ANKFN1: variants seen among roughly 807,000 people sequenced by gnomAD.
ANKFN1 encodes ankyrin repeat and fibronectin type-III domain-containing protein 1.
A neutral mutation model predicts 108.7 loss-of-function variants in ANKFN1; 74 were observed. The observed-to-expected ratio is 0.68, with a 90% confidence interval of 0.56 to 0.83. ANKFN1 has a LOEUF of 0.83. ANKFN1 is among the 40% of genes least tolerant of loss of function. The probability of loss-of-function intolerance (pLI) is 0.00; values close to 1 mark genes in which losing one functional copy is unlikely to be tolerated. For synonymous variants in ANKFN1, 547 were observed against 516.2 expected, an observed-to-expected ratio of 1.06 and a Z score of -0.81; for missense variants, 1,505 against 1,382.3, an observed-to-expected ratio of 1.09 and a Z score of -1.41.
At chr17:56,159,555 G>A (rs943197583) in intron 1 of ANKFN1, among the ~76,000 whole-genome samples, 7 of 152,186 alleles carry the variant, frequency 4.6e-5, no homozygotes, top group Admixed American at 2.0e-4. Flanking sequence ...TTTATAAGAT[G>A]TTGACAAGTA....
intron 3 of ANKFN1, among the ~76,000 whole-genome samples, chr17:56,245,247 T>C (rs567267974): frequency 6.6e-6 from 1 of 152,236 alleles, no homozygotes; most frequent in East Asian, 1.9e-4. Context: ...CTGTGGTTCC[T>C]CATGTAATTG....
intron 3 of ANKFN1, among the ~76,000 whole-genome samples, chr17:56,262,992 A>G (rs2043558403): frequency 6.6e-6 from 1 of 152,218 alleles, no homozygotes; most frequent in South Asian, 2.1e-4. Flanking sequence ...TGGCTTATGT[A>G]CATTTGTGCT....
At chr17:56,121,053 G>A (rs957876715) in intron 4 of ANKFN1, among the ~76,000 whole-genome samples, 1 of 151,722 alleles carries the variant, frequency 6.6e-6, no homozygotes, top group African/African-American at 2.4e-5. Flanking sequence ...AATCTTCTCG[G>A]AACTGCACTT....
intron 3 of ANKFN1, among the ~76,000 whole-genome samples, chr17:56,319,124 G>T (rs1442519563): frequency 6.6e-6 from 1 of 152,152 alleles, no homozygotes; most frequent in African/African-American, 2.4e-5. Flanking sequence ...CTAAAATTGA[G>T]TAGTCATTTA....
At chr17:56,371,017 T>A (rs2046798536) in intron 6 of ANKFN1, among the ~76,000 whole-genome samples, 1 of 152,068 alleles carries the variant, frequency 6.6e-6, no homozygotes, top group Non-Finnish European at 1.5e-5. Context: ...AGCACTTATA[T>A]TATCATTTAT....
At chr17:56,476,560 A>G (rs2050506623) in intron 15 of ANKFN1, among the ~76,000 whole-genome samples, 1 of 152,246 alleles carries the variant, frequency 6.6e-6, no homozygotes, top group South Asian at 2.1e-4. Flanking sequence ...AAATCTTGTA[A>G]AAGATACAGA....
chr17:56,086,640 C>T (rs915525562), intron 4 of ANKFN1, among the ~76,000 whole-genome samples: 6 of 151,194 alleles, frequency 4.0e-5, no homozygotes, highest in African/African-American at 1.5e-4. Flanking sequence ...TGGAGATAAT[C>T]CCATCCTGGA....
At position 56,498,947 on chromosome 17, in the gene ANKFN1, A is replaced by G. The variant is rs536845927; in HGVS notation, c.2493A>G (p.Lys831=). The change falls in exon 20 of 21, where the codon AAA becomes AAG. Residue 831 remains lysine, a synonymous_variant. Transcript: ENST00000682825. ...IMDALQYARY[K]QPVSGLPITK... ...ATGCTCTACAGTATGCAAGATACAA[A>G]CAACCAGTTTCTGGCTTGCCCATCA... is the stretch of plus-strand genomic sequence containing the variant. 3 of 1,535,774 alleles carry G rather than the reference A, an allele frequency of 2.0e-6. No homozygotes were observed. The Admixed American group carries it at 5.9e-5, about 30-fold the overall frequency.
chr17:56,470,902 TTCCAACAGAAAGGCCCCTC>T (rs2050295106), intron 15 of ANKFN1, among the ~76,000 whole-genome samples: 1 of 152,178 alleles, frequency 6.6e-6, no homozygotes, highest in African/African-American at 2.4e-5. Context: ...ATGAGAGTAT[TTCCAACAGAAAGGCCCCTC>T]TCAGGTGCTA....
chr17:56,180,112 A>G (rs1033428360), intron 1 of ANKFN1, among the ~76,000 whole-genome samples: 15 of 152,192 alleles, frequency 9.9e-5, no homozygotes, highest in African/African-American at 3.4e-4. Context: ...TCATACATGG[A>G]GTATTGGTGG....
At chr17:56,326,018 A>G (rs1226755350) in intron 3 of ANKFN1, among the ~76,000 whole-genome samples, 4 of 152,190 alleles carry the variant, frequency 2.6e-5, no homozygotes, top group Non-Finnish European at 5.9e-5. Flanking sequence ...TCCTTTCACT[A>G]CACGCACACA....
intron 20 of ANKFN1, 90 bp from the exon 21 acceptor site, chr17:56,510,383 A>T (rs2051706567): frequency 9.2e-7 from 1 of 1,088,148 alleles, no homozygotes; most frequent in African/African-American, 1.6e-5. Flanking sequence ...GCCCCTTCTA[A>T]GTGCGGGGTC....
intron 11 of ANKFN1, among the ~76,000 whole-genome samples, chr17:56,454,017 G>A (rs941777364): frequency 3.3e-5 from 5 of 152,132 alleles, no homozygotes; most frequent in African/African-American, 1.2e-4. Context: ...CTTTCAACAT[G>A]AGAAGTTATA....
intron 4 of ANKFN1, among the ~76,000 whole-genome samples, chr17:56,135,671 T>C (rs2143367629): frequency 6.6e-6 from 1 of 152,322 alleles, no homozygotes; most frequent in East Asian, 1.9e-4. Context: ...GGAAGTGATG[T>C]ACAGATTAGA....
intron 4 of ANKFN1, among the ~76,000 whole-genome samples, chr17:56,346,579 T>A (rs1456418514): frequency 6.6e-6 from 1 of 151,936 alleles, no homozygotes; most frequent in East Asian, 1.9e-4. Flanking sequence ...GCCATTTTTC[T>A]TGAATAAAGA....
chr17:56,248,607 A>G (rs1296048800), intron 3 of ANKFN1, among the ~76,000 whole-genome samples: 1 of 152,222 alleles, frequency 6.6e-6, no homozygotes, highest in Non-Finnish European at 1.5e-5. Flanking sequence ...AATCGAGGCC[A>G]TGCAGTGTGA....
intron 3 of ANKFN1, among the ~76,000 whole-genome samples, chr17:56,240,083 T>A (rs1380411996): frequency 6.6e-6 from 1 of 152,136 alleles, no homozygotes; most frequent in Non-Finnish European, 1.5e-5. Flanking sequence ...TTTGAGTACA[T>A]CAATTTTTGG....
chr17:56,330,381 C>T (rs960312659), intron 4 of ANKFN1, among the ~76,000 whole-genome samples: 4 of 152,110 alleles, frequency 2.6e-5, no homozygotes, highest in Admixed American at 6.6e-5. Context: ...TGGGGGAAAC[C>T]GCCCCCACGA....
chr17:56,334,553 A>T (rs1010550619), intron 4 of ANKFN1, among the ~76,000 whole-genome samples: 1 of 152,012 alleles, frequency 6.6e-6, no homozygotes, highest in Non-Finnish European at 1.5e-5. Context: ...TTTTTCAAGC[A>T]CTCTGCTAAA....
Sources: gnomAD v4.1 joint callset for allele counts (sites outside exome capture counted in the v4.1 genomes callset) on GRCh38, gnomAD v4.1.1 for gene constraint, MANE v1.5 for transcripts, NCBI Gene and HGNC (gene_info 2026-07-23, HGNC 2026-07-21) for gene names.